PHF19: variants seen among roughly 807,000 people sequenced by gnomAD.
The protein encoded by PHF19 is polycomb like 3.
Under a neutral mutation model 79.8 loss-of-function variants are expected in PHF19, and 21 were observed. The ratio of observed to expected loss-of-function variants is 0.26; its 90% CI spans 0.19 to 0.38. The LOEUF (loss-of-function observed/expected upper bound fraction) is 0.38, where lower values mean the gene tolerates loss of function less well. Among genes scored for constraint, PHF19 ranks in the 10% least tolerant of loss-of-function variants. PHF19 has a pLI of 1.00. For missense variants in PHF19, 445 were observed against 744.2 expected (o/e 0.60, Z 4.68); for synonymous variants, 273 against 296.3 (o/e 0.92, Z 0.81).
upstream of PHF19, chr9:120,877,299 G>GC (rs1245070679): frequency 2.5e-5 from 24 of 967,954 alleles, no homozygotes; most frequent in South Asian, 4.6e-5. Context: ...TCAGGAAGGG[G>GC]CCCCCCGGGC....
intron 1 of PHF19, among the ~76,000 whole-genome samples, chr9:120,882,864 G>GA (rs2046207767): frequency 7.1e-6 from 1 of 140,406 alleles, no homozygotes; most frequent in Non-Finnish European, 1.6e-5. Context: ...AAAAAAGAAA[G>GA]AAACTGCTCT....
upstream of PHF19, among the ~76,000 whole-genome samples, chr9:120,878,580 C>T (rs1299980787): frequency 6.6e-6 from 1 of 152,220 alleles, no homozygotes; most frequent in Non-Finnish European, 1.5e-5. Flanking sequence ...GCCTCCTGGC[C>T]TTGGAGCATG....
chr9:120,874,212 C>A lies in PHF19; in HGVS notation c.187-152G>T. The A allele has an allele frequency of 1.6e-6, 1 of 611,510 alleles. No individual in the cohort carries two copies. The highest frequency in any genetic ancestry group is 2.9e-6 in the Non-Finnish European group (1 of 340,222). 37.9% of individuals were successfully genotyped at this position (611,510 alleles called of 1,614,324 possible). On this transcript the variant is annotated intron_variant, in intron 2 of 14. Transcript: ENST00000373896. The surrounding 1 kb of genome is among the most constrained non-coding windows in gnomAD (Gnocchi z 4.5). ...GGCAGTTCCTGGACAGGGTGTACTC[C>A]TAGTCACCTGGAGTCGTACAGCCAG...
rs558348252 is a variant in PHF19 at position 120,873,883 on chromosome 9, A to C, written c.268+96T>G. 215 of 709,370 alleles carry C rather than the reference A, an allele frequency of 3.0e-4. 1 individual carries two copies. In the Admixed American group the frequency reaches 4.4e-3, roughly 15 times the overall value. The allele number at this position is 709,370 out of a possible 1,614,324, so 43.9% of individuals were successfully genotyped here. The stretch of plus-strand genomic sequence containing the variant: ...TTCATGGTCAAGGGCAGATGCCAGG[A>C]GTAAGAGATGGAAGGACAGAAGGAA... On this transcript the variant is annotated intron_variant, in intron 3 of 14. Coordinates refer to ENST00000373896, the MANE Select transcript of PHF19 (RefSeq NM_015651.3).
chr9:120,869,147 C>A lies in PHF19; in HGVS notation c.614+35G>T. 6.3e-7 allele frequency: 1 copy of A among 1,581,942 alleles called. No homozygotes were observed. ...CTGCTGGCGATTCTTGGAGACCTGC[C>A]CTGCCGCCCGGGGGGCCCTGACCCC... On this transcript the variant is annotated intron_variant, in intron 6 of 14. Coordinates refer to ENST00000373896, the MANE Select transcript of PHF19 (RefSeq NM_015651.3). The surrounding 1 kb of genome is among the most constrained non-coding windows in gnomAD (Gnocchi z 5.8).
upstream of PHF19, among the ~76,000 whole-genome samples, chr9:120,895,917 T>C (rs1282692892): frequency 6.6e-6 from 1 of 152,204 alleles, no homozygotes; most frequent in Non-Finnish European, 1.5e-5. Context: ...CCTCCCAAAG[T>C]GCTGGGATTA....
chr9:120,872,049 A>G (rs970238837), intron 3 of PHF19, among the ~76,000 whole-genome samples: 7 of 148,894 alleles, frequency 4.7e-5, no homozygotes, highest in African/African-American at 9.9e-5. Flanking sequence ...AAAAAAAAAA[A>G]AAAAAAAAAA....
At chr9:120,863,501 C>A (rs1388983029) in intron 10 of PHF19, among the ~76,000 whole-genome samples, 1 of 152,078 alleles carries the variant, frequency 6.6e-6, no homozygotes, top group East Asian at 1.9e-4. Flanking sequence ...AGTAAAAGTG[C>A]CAGGTAGGAA....
chr9:120,874,822 G>T lies in PHF19; in HGVS notation c.-15-66C>A. On this transcript the variant is annotated intron_variant, in intron 1 of 14. Transcript: ENST00000373896. The surrounding 1 kb of genome is among the most constrained non-coding windows in gnomAD (Gnocchi z 4.5). ...GCTTCAGAAAGCCCATCAGGGGAAG[G>T]AAGGAAACCACCATTTCTGTACCCT... 9.7e-7 allele frequency: 1 copy of T among 1,033,440 alleles called. No individual in the cohort carries two copies. Among genetic ancestry groups the T allele is most frequent in the Non-Finnish European group, 1.5e-6 (1 of 680,762 alleles). 64.0% of individuals were successfully genotyped at this position (1,033,440 alleles called of 1,614,324 possible).
intron 6 of PHF19, chr9:120,868,713 T>G: frequency 1.2e-5 from 5 of 409,498 alleles, no homozygotes; most frequent in Non-Finnish European, 1.6e-5. Flanking sequence ...GGACCGCCCC[T>G]TGAGGCCTCG....
In PHF19 at chr9:120,860,927, T is replaced by C. The variant is rs1156682871; in HGVS notation, c.1304+162A>G. On this transcript the variant is annotated intron_variant, in intron 13 of 14. Coordinates refer to ENST00000373896, the MANE Select transcript of PHF19 (RefSeq NM_015651.3). This position sits in a 1 kb window ranked among gnomAD's most constrained non-coding sequence, Gnocchi z 4.1. ...AGGGCTGGAGAAGAGGGGAGGGCTG[T>C]GGTGCTCTGGGAACAGGGATGTTAT... 1 of 609,192 alleles carries C rather than the reference T, an allele frequency of 1.6e-6. No individual in the cohort carries two copies. Among genetic ancestry groups the C allele is most frequent in the East Asian group, 2.9e-5 (1 of 35,014 alleles). The allele number at this position is 609,192 out of a possible 1,614,324, so 37.7% of individuals were successfully genotyped here.
At position 120,864,793 on chromosome 9, in the gene PHF19, A is replaced by T. The variant is rs531528891; in HGVS notation, c.901-677T>A. Among the ~76,000 whole-genome samples the T allele has an allele frequency of 7.2e-5, 11 of 152,352 alleles. No individual in the cohort carries two copies. The South Asian group carries it at 2.3e-3, about 32-fold the overall frequency. ...TTGTATATACTGTATCATTTAAACG[A>T]TAAAACAGAAAAAGATATACATAGA... On this transcript the variant is annotated intron_variant, in intron 9 of 14. Coordinates refer to ENST00000373896, the MANE Select transcript of PHF19 (RefSeq NM_015651.3).
At chr9:120,872,711 A>C (rs537239322) in intron 3 of PHF19, among the ~76,000 whole-genome samples, 58 of 145,814 alleles carry the variant, frequency 4.0e-4, no homozygotes, top group Middle Eastern at 3.5e-3. Flanking sequence ...TTTGAGACAG[A>C]GTCTCGCTCT....
chr9:120,863,302 A>G (rs577492526), intron 10 of PHF19, among the ~76,000 whole-genome samples: 2 of 151,518 alleles, frequency 1.3e-5, no homozygotes, highest in South Asian at 4.2e-4. Flanking sequence ...GAGAATGTGG[A>G]AGAGAGAGTG....
rs1402692401 is a variant in PHF19, at chr9:120,891,862, A to G, written c.42+2926T>C. Among the ~76,000 whole-genome samples the G allele has an allele frequency of 1.3e-5, 2 of 152,166 alleles. No individual in the cohort carries two copies. Among genetic ancestry groups the G allele is most frequent in the Admixed American group, 6.5e-5 (1 of 15,276 alleles). ...GGAGCCAGACCAGGGACCCTGTGCTATAAACAAGTCTCCTGGTGATCCTTC... is the reference window on the plus strand; with the variant it reads ...GGAGCCAGACCAGGGACCCTGTGCTGTAAACAAGTCTCCTGGTGATCCTTC... On this transcript the variant is annotated intron_variant, in intron 1 of 14. Transcript: ENST00000616568. This position sits in a 1 kb window ranked among gnomAD's most constrained non-coding sequence, Gnocchi z 4.3.
the PHF19 span, among the ~76,000 whole-genome samples, chr9:120,900,177 G>A: frequency 2.6e-5 from 4 of 152,212 alleles, no homozygotes; most frequent in East Asian, 1.9e-4. Context: ...GGTAGAGACA[G>A]GGTTTCGCCA....
upstream of PHF19, among the ~76,000 whole-genome samples, chr9:120,897,923 G>A (rs1278513116): frequency 6.8e-6 from 1 of 146,656 alleles, no homozygotes; most frequent in Non-Finnish European, 1.5e-5. Context: ...AGGTTGCAGT[G>A]AGCTGAGGTC....
Position 120,891,650 on chromosome 9 carries a change from C to T in PHF19, c.42+3138G>A, listed in dbSNP as rs1341006249. Among the ~76,000 whole-genome samples, 1 of 152,124 alleles carries T rather than the reference C, an allele frequency of 6.6e-6. No individual in the cohort carries two copies. The highest frequency in any genetic ancestry group is 1.5e-5 in the Non-Finnish European group (1 of 68,036). ...GGGAGTATAACCTTGAACTCGGAACCCCACTATATTTGCCATATTTGTTGT... is the reference window on the plus strand; with the variant it reads ...GGGAGTATAACCTTGAACTCGGAACTCCACTATATTTGCCATATTTGTTGT... On this transcript the variant is annotated intron_variant, in intron 1 of 14. Coordinates refer to the PHF19 transcript ENST00000616568. The surrounding 1 kb of genome is among the most constrained non-coding windows in gnomAD (Gnocchi z 4.3).
At position 120,868,035 on chromosome 9, in the gene PHF19, CT is replaced by C. The variant is rs1312145279; in HGVS notation, c.615-1071del. ...ATAGCATGCCCCGCCCCCCGGCCCC[CT>C]ACCCCTGCCTGATTGCACATCTCCA... On this transcript the variant is annotated intron_variant, in intron 6 of 14. Coordinates refer to ENST00000373896, the MANE Select transcript of PHF19 (RefSeq NM_015651.3). Among the ~76,000 whole-genome samples, 4 of 152,206 alleles carry C rather than the reference CT, an allele frequency of 2.6e-5. No homozygotes were observed. In the East Asian group the frequency reaches 7.7e-4, roughly 29 times the overall value.
Sources: gnomAD v4.1 joint callset for allele counts (sites outside exome capture counted in the v4.1 genomes callset) on GRCh38, gnomAD v4.1.1 for gene constraint, Gnocchi (gnomAD v3.1) non-coding constraint, MANE v1.5 for transcripts, NCBI Gene and HGNC (gene_info 2026-07-23, HGNC 2026-07-21) for gene names.